The following TTLL10 variants were observed in gnomAD, a reference collection of about 807,000 sequenced individuals.
The protein encoded by TTLL10 is tubulin tyrosine ligase like 10.
A neutral mutation model predicts 69.0 loss-of-function variants in TTLL10; 61 were observed. The observed-to-expected ratio is 0.88, with a 90% CI of 0.72 to 1.09. The LOEUF (loss-of-function observed/expected upper bound fraction) is 1.09. Ranked by LOEUF, TTLL10 falls within the 50% of genes least tolerant of loss-of-function variation. The probability of loss-of-function intolerance (pLI) is 0.00; values close to 1 mark genes in which losing one functional copy is unlikely to be tolerated. For synonymous variants in TTLL10, 408 were observed against 393.3 expected (o/e 1.04, Z -0.44); for missense variants, 962 against 945.9 (o/e 1.02, Z -0.22).
chr1:1,175,230 G>A, intron 3 of TTLL10: 1 of 186,460 alleles, frequency 5.4e-6, no homozygotes, highest in Non-Finnish European at 1.1e-5. Flanking sequence ...CCCAAAGGAG[G>A]CCTCAGGCTT....
At chr1:1,177,465 C>T (rs542805155) in intron 3 of TTLL10, among the ~76,000 whole-genome samples, 2 of 152,350 alleles carry the variant, frequency 1.3e-5, no homozygotes, top group East Asian at 1.9e-4. Flanking sequence ...GCGCCCAACA[C>T]CATGCCCGGC....
At chr1:1,178,244 C>T (rs997465681) in intron 3 of TTLL10, among the ~76,000 whole-genome samples, 23 of 152,116 alleles carry the variant, frequency 1.5e-4, no homozygotes, top group African/African-American at 5.3e-4. Flanking sequence ...GTCTCCTGGG[C>T]GAGTTCCTTC....
chr1:1,197,652 C>T lies in TTLL10; in HGVS notation c.1827C>T (p.Ala609=), dbSNP rs1354942160. Residue 609 remains alanine, a synonymous_variant, in exon 16 of 16, where the codon GCC becomes GCT. Transcript: ENST00000379289. ...CGCATGCCCCAGACCAGCCGGGCGC[C>T]CGCAGGCCTGCGCCACCTCCCTTGG... ...PMPHAPDQPG[A]RRPAPPPLVP... 4 of 1,500,504 alleles carry T rather than the reference C, an allele frequency of 2.7e-6. No homozygotes were observed. The highest frequency in any genetic ancestry group is 3.5e-6 in the Non-Finnish European group (4 of 1,132,244). The allele number at this position is 1,500,504 out of a possible 1,614,324, so 92.9% of individuals were successfully genotyped here.
chr1:1,197,725 G>T lies in TTLL10; in HGVS notation c.1900G>T (p.Asp634Tyr), dbSNP rs764678592. The part of the protein sequence containing the change: ...PPGPDLDSAH[D>Y]GEPQAPGTEQ... Reference sequence around the variant, plus strand: ...CGGCCCCGACCTGGACAGCGCCCACGATGGGGAGCCCCAGGCCCCGGGCAC... The same window carrying T: ...CGGCCCCGACCTGGACAGCGCCCACTATGGGGAGCCCCAGGCCCCGGGCAC... The change falls in exon 16 of 16, where the codon GAT (aspartate) becomes TAT (tyrosine). Residue 634 changes from aspartate to tyrosine, a missense_variant. Physicochemically the swap from Asp to Tyr is radical, Grantham distance 160. Coordinates refer to ENST00000379289, the MANE Select transcript of TTLL10 (RefSeq NM_001130045.2). 3 of 1,531,808 alleles carry T rather than the reference G, an allele frequency of 2.0e-6. No individual in the cohort carries two copies. Among genetic ancestry groups the T allele is most frequent in the Non-Finnish European group, 2.6e-6 (3 of 1,142,298 alleles). 94.9% of individuals were successfully genotyped at this position (1,531,808 alleles called of 1,614,324 possible).
intron 13 of TTLL10, among the ~76,000 whole-genome samples, chr1:1,190,186 T>G (rs1647651996): frequency 6.6e-6 from 1 of 151,766 alleles, no homozygotes; most frequent in African/African-American, 2.4e-5. Flanking sequence ...TATTCCCTTG[T>G]CATCCTTTTA....
At chr1:1,180,460 A>ACCCCCCC in intron 6 of TTLL10, 23 bp from the exon 7 acceptor site, 1 of 1,107,362 alleles carries the variant, frequency 9.0e-7, no homozygotes, top group Admixed American at 2.2e-5. Context: ...CCCCCAGGTC[A>ACCCCCCC]CCCCCGCCCC....
intron 5 of TTLL10, 97 bp downstream of exon 5, chr1:1,179,834 GT>G: frequency 1.3e-5 from 19 of 1,458,758 alleles, no homozygotes; most frequent in Non-Finnish European, 1.7e-5. Flanking sequence ...CTGGAGGGTG[GT>G]CACGGCCCCT....
chr1:1,181,004 G>C lies in TTLL10; in HGVS notation c.755+144G>C. The C allele has an allele frequency of 1.4e-6, 1 of 726,786 alleles. No homozygotes were observed. Among genetic ancestry groups the C allele is most frequent in the Non-Finnish European group, 2.0e-6 (1 of 494,802 alleles). 45.0% of individuals were successfully genotyped at this position (726,786 alleles called of 1,614,324 possible). On this transcript the variant is annotated intron_variant, in intron 8 of 15. Transcript: ENST00000379289. This position sits in a 1 kb window ranked among gnomAD's most constrained non-coding sequence, Gnocchi z 4.6. Reference sequence around the variant, plus strand: ...CCTGGCCACCCAGGCTCCCAGGCTGGCTCCAGCCCCTGCCCCTGCCCTTGC... The same window carrying C: ...CCTGGCCACCCAGGCTCCCAGGCTGCCTCCAGCCCCTGCCCCTGCCCTTGC...
intron 12 of TTLL10, 41 bp from the exon 13 acceptor site, chr1:1,184,928 G>C (rs766989319): frequency 6.7e-7 from 1 of 1,488,358 alleles, no homozygotes; most frequent in Non-Finnish European, 9.0e-7. Context: ...AGGCCCTCCG[G>C]ACAGTCTGGG....
In TTLL10 at chr1:1,183,058, G is replaced by T; in HGVS notation, c.1088+11G>T. ...GCGGGTGGTGCAGAGGTGCGGCGGCGGGTGCCCGGAGGGGTGAGGGTCTGG... is the reference window on the plus strand; with the variant it reads ...GCGGGTGGTGCAGAGGTGCGGCGGCTGGTGCCCGGAGGGGTGAGGGTCTGG... On this transcript the variant is annotated intron_variant, in intron 11 of 15. Coordinates refer to ENST00000379289, the MANE Select transcript of TTLL10 (RefSeq NM_001130045.2). The T allele has an allele frequency of 6.3e-7, 1 of 1,586,458 alleles. No individual in the cohort carries two copies. The highest frequency in any genetic ancestry group is 1.7e-5 in the Admixed American group (1 of 57,472).
At chr1:1,179,097 G>C in intron 3 of TTLL10, 92 bp from the exon 4 acceptor site, 1 of 846,804 alleles carries the variant, frequency 1.2e-6, no homozygotes, top group East Asian at 2.8e-5. Context: ...TTCCTGGGCA[G>C]GGTGGGCCTG....
At chr1:1,179,624 A>T in intron 4 of TTLL10, 33 bp from the exon 5 acceptor site, 1 of 1,550,584 alleles carries the variant, frequency 6.4e-7, no homozygotes, top group Non-Finnish European at 8.7e-7. Context: ...CACCCATGAC[A>T]TCATCATGGA....
In TTLL10 at chr1:1,185,466, C is replaced by T. The variant is rs1168469516; in HGVS notation, c.1401+357C>T. The T allele has an allele frequency of 5.5e-6, 6 of 1,085,764 alleles. No homozygotes were observed. The highest frequency in any genetic ancestry group is 6.7e-6 in the Non-Finnish European group (6 of 894,538). 67.3% of individuals were successfully genotyped at this position (1,085,764 alleles called of 1,614,324 possible). On this transcript the variant is annotated intron_variant, in intron 13 of 15. Coordinates refer to ENST00000379289, the MANE Select transcript of TTLL10 (RefSeq NM_001130045.2). This position sits in a 1 kb window ranked among gnomAD's most constrained non-coding sequence, Gnocchi z 6.1. ...CTTGGCAGGCAGGGCCAACAGCAGC[C>T]CCCGGGCCAGGTGTCCTGGAGCAGC...
At chr1:1,182,811 G>A (rs1312844765) in intron 10 of TTLL10, 65 bp from the exon 11 acceptor site, 17 of 1,489,914 alleles carry the variant, frequency 1.1e-5, no homozygotes, top group Admixed American at 6.6e-5. Context: ...GGTCCTGGTC[G>A]GGCCCTAGGA....
At chr1:1,196,039 C>G (rs9660873) in intron 13 of TTLL10, among the ~76,000 whole-genome samples, 33,558 of 146,210 alleles carry the variant, frequency 0.23, 4,897 homozygotes, top group East Asian at 0.72. Flanking sequence ...GCCTCCCAAA[C>G]TGCTGGGACT....
intron 13 of TTLL10, among the ~76,000 whole-genome samples, chr1:1,194,173 T>G (rs764660454): frequency 6.6e-6 from 1 of 152,154 alleles, no homozygotes. Flanking sequence ...AAAAATGTTT[T>G]AAAATAAACA....
chr1:1,179,974 T>G, intron 5 of TTLL10, 60 bp from the exon 6 acceptor site: 1 of 1,459,118 alleles, frequency 6.9e-7, no homozygotes, highest in Non-Finnish European at 9.0e-7. Context: ...GGCTGAGCCA[T>G]GTCCGGGCTG....
chr1:1,192,596 AATTGATATCAGTGTAGACAC>A (rs1647890166), intron 13 of TTLL10, among the ~76,000 whole-genome samples: 1 of 151,052 alleles, frequency 6.6e-6, no homozygotes, highest in Non-Finnish European at 1.5e-5. Context: ...TAGACACTCC[AATTGATATCAGTGTAGACAC>A]TCCAGTTGGT....
Position 1,180,088 on chromosome 1 carries a change from A to G in TTLL10, c.254A>G (p.Gln85Arg), listed in dbSNP as rs765117927. Residue 85 changes from glutamine (Q) to arginine (R), a missense_variant, in exon 6 of 16, where the codon CAG becomes CGG. Physicochemically the swap from Gln to Arg is conservative, Grantham distance 43. Coordinates refer to ENST00000379289, the MANE Select transcript of TTLL10 (RefSeq NM_001130045.2). ...AGCCAGGAGGAGGGACTCCGGTGTC[A>G]GCCAAGCCAGCCAGACCACGACGCA... is the stretch of plus-strand genomic sequence containing the variant. ...GSSQEEGLRCQPSQPDHDADG... is the reference protein window; with the variant it reads ...GSSQEEGLRCRPSQPDHDADG... 4.4e-6 allele frequency: 7 copies of G among 1,607,140 alleles called. No individual in the cohort carries two copies. Among genetic ancestry groups the G allele is most frequent in the Admixed American group, 3.4e-5 (2 of 59,566 alleles).
Sources: gnomAD v4.1 joint callset for allele counts (sites outside exome capture counted in the v4.1 genomes callset) on GRCh38, gnomAD v4.1.1 for gene constraint, Gnocchi (gnomAD v3.1) non-coding constraint, MANE v1.5 for transcripts, NCBI Gene and HGNC (gene_info 2026-07-23, HGNC 2026-07-21) for gene names.